The following PDE1C variants were observed in gnomAD, a reference collection of about 807,000 sequenced individuals.
PDE1C encodes the protein dual specificity calcium/calmodulin-dependent 3',5'-cyclic nucleotide phosphodiesterase 1C.
PDE1C carries 62 observed loss-of-function variants against 93.1 expected under a neutral mutation model. That is an observed-to-expected ratio of 0.67 (90% confidence interval 0.54 to 0.82). The LOEUF (loss-of-function observed/expected upper bound fraction) is 0.82. Among genes scored for constraint, PDE1C ranks in the 40% least tolerant of loss-of-function variants. The pLI is 0.00. For missense variants in PDE1C, 742 were observed against 884.6 expected (o/e 0.84, Z 2.04); for synonymous variants, 325 against 310.1 (o/e 1.05, Z -0.50).
chr7:31,815,946 T>A lies in PDE1C; in HGVS notation c.1791A>T (p.Ser597=). Reference sequence around the variant, plus strand: ...CACCATTCTGTTGCTGTTCTCCTGATGACTTCTCGGCTTTGGAGTTTTTCC... The same window carrying A: ...CACCATTCTGTTGCTGTTCTCCTGAAGACTTCTCGGCTTTGGAGTTTTTCC... ...PRGKNSKAEK[S]SGEQQQNGDF... Residue 597 remains serine, a synonymous_variant, in exon 15 of 18, where the codon TCA becomes TCT. Coordinates refer to ENST00000396191, the MANE Select transcript of PDE1C (RefSeq NM_001191057.4). The A allele has an allele frequency of 6.2e-7, 1 of 1,613,222 alleles. No homozygotes were observed. Among genetic ancestry groups the A allele is most frequent in the South Asian group, 1.1e-5 (1 of 91,062 alleles).
At chr7:31,875,789 A>G (rs1246416947) in intron 5 of PDE1C, among the ~76,000 whole-genome samples, 1 of 102,096 alleles carries the variant, frequency 9.8e-6, no homozygotes, top group Admixed American at 1.1e-4. Context: ...TTAGAAGCTT[A>G]CATCTATATA....
chr7:31,915,966 A>G (rs936653718), intron 2 of PDE1C, among the ~76,000 whole-genome samples: 1 of 152,100 alleles, frequency 6.6e-6, no homozygotes, highest in African/African-American at 2.4e-5. Context: ...AACGGGGAAA[A>G]CTTAGCAAGG....
chr7:32,299,418 C>A (rs920536626), upstream of PDE1C: 1 of 985,528 alleles, frequency 1.0e-6, no homozygotes. Context: ...CTGTCCCTGC[C>A]AGGAAGGTAA....
chr7:31,773,033 G>A (rs1439152286), intron 17 of PDE1C, among the ~76,000 whole-genome samples: 4 of 152,224 alleles, frequency 2.6e-5, no homozygotes, highest in African/African-American at 9.6e-5. Context: ...ACATCTGCTA[G>A]TGAAAGCATG....
At chr7:31,838,536 C>T (rs1222075707) in intron 9 of PDE1C, among the ~76,000 whole-genome samples, 1 of 152,112 alleles carries the variant, frequency 6.6e-6, no homozygotes, top group African/African-American at 2.4e-5. Context: ...ATGTTAACTA[C>T]AGTCCATAGT....
At chr7:31,684,435 A>G in the PDE1C span, among the ~76,000 whole-genome samples, 1 of 152,256 alleles carries the variant, frequency 6.6e-6, no homozygotes, top group African/African-American at 2.4e-5. Context: ...ATAAAAATTT[A>G]AAAGCTATGC....
At chr7:32,087,261 C>T (rs1281810976) in intron 3 of PDE1C, among the ~76,000 whole-genome samples, 4 of 150,412 alleles carry the variant, frequency 2.7e-5, no homozygotes, top group Admixed American at 6.6e-5. Context: ...TGTTCATCAT[C>T]ACTGGCCATC....
the PDE1C span, chr7:31,652,468 G>A: frequency 2.6e-6 from 4 of 1,524,222 alleles, no homozygotes; most frequent in Non-Finnish European, 3.5e-6. Context: ...AAGCTGTTTG[G>A]TGCCAATGTG....
intron 1 of PDE1C, among the ~76,000 whole-genome samples, chr7:32,407,130 C>T (rs889855830): frequency 9.2e-5 from 14 of 152,004 alleles, no homozygotes; most frequent in Non-Finnish European, 1.3e-4. Context: ...AAAAAATTAT[C>T]GGGGTGTAGT....
intron 11 of PDE1C, among the ~76,000 whole-genome samples, chr7:31,836,935 C>T (rs1271955916): frequency 1.7e-5 from 2 of 118,990 alleles, no homozygotes; most frequent in Admixed American, 8.8e-5. Flanking sequence ...AAGACTGCTA[C>T]AAGGAAATAC....
chr7:32,016,234 T>C (rs1787891947), intron 2 of PDE1C, among the ~76,000 whole-genome samples: 1 of 152,170 alleles, frequency 6.6e-6, no homozygotes, highest in Admixed American at 6.5e-5. Context: ...GCCAGACCTA[T>C]AACACTGCCG....
chr7:32,025,929 G>A (rs927882526), intron 2 of PDE1C, among the ~76,000 whole-genome samples: 9 of 152,128 alleles, frequency 5.9e-5, no homozygotes, highest in Admixed American at 1.3e-4. Flanking sequence ...TCTGTTCCTT[G>A]TAAGACCTTC....
the PDE1C span, among the ~76,000 whole-genome samples, chr7:31,618,613 C>T: frequency 6.6e-6 from 1 of 152,180 alleles, no homozygotes; most frequent in Non-Finnish European, 1.5e-5. Context: ...AAGCAAATTT[C>T]ATAAACTCCC....
the PDE1C span, among the ~76,000 whole-genome samples, chr7:31,675,812 C>T: frequency 6.6e-6 from 1 of 152,058 alleles, no homozygotes; most frequent in African/African-American, 2.4e-5. Flanking sequence ...TTGACTATCA[C>T]TAAGTTAGCC....
chr7:31,624,301 C>A, the PDE1C span, among the ~76,000 whole-genome samples: 337 of 143,086 alleles, frequency 2.4e-3, 1 homozygote, highest in African/African-American at 8.4e-3. Flanking sequence ...CAAAAAAGAG[C>A]CCGCATCACC....
chr7:31,623,108 A>C, the PDE1C span, among the ~76,000 whole-genome samples: 1 of 152,220 alleles, frequency 6.6e-6, no homozygotes, highest in Non-Finnish European at 1.5e-5. Flanking sequence ...TGTGGCAATA[A>C]TCAGTAGCTT....
intron 3 of PDE1C, among the ~76,000 whole-genome samples, chr7:32,112,842 GTGTGTATATA>G (rs1188438109): frequency 3.6e-4 from 18 of 50,666 alleles, no homozygotes; most frequent in African/African-American, 7.6e-4. Context: ...GTGTGTGTGT[GTGTGTATATA>G]TATATATATA....
chr7:32,071,293 T>C (rs978626183), upstream of PDE1C: 2 of 985,454 alleles, frequency 2.0e-6, no homozygotes, highest in South Asian at 4.7e-5. Flanking sequence ...GCCGCGAGGC[T>C]TCGCGGAGGT....
chr7:31,651,826 G>A, the PDE1C span: 3 of 600,612 alleles, frequency 5.0e-6, no homozygotes, highest in Non-Finnish European at 8.6e-6. Context: ...AAATAAAGAT[G>A]ACATTCTCTT....
Sources: allele counts gnomAD v4.1 joint callset (sites outside exome capture counted in the v4.1 genomes callset), GRCh38; gene constraint gnomAD v4.1.1; transcripts MANE v1.5; gene names NCBI Gene and HGNC (gene_info 2026-07-23, HGNC 2026-07-21).